The following OR4F17 variants were observed in gnomAD, a reference collection of about 807,000 sequenced individuals.
OR4F17 encodes olfactory receptor 4F17.
For synonymous variants in OR4F17, 1 was observed against 120.7 expected (o/e 0.01, Z 6.50); for missense variants, 1 against 323.6 (o/e 0.00, Z 7.65).
At chr19:109,968 G>A (rs1215073736) in intron 2 of OR4F17, among the ~76,000 whole-genome samples, 6 of 151,792 alleles carry the variant, frequency 4.0e-5, no homozygotes, top group Admixed American at 3.3e-4. Context: ...TTCACATTGA[G>A]TCCAGAGCTA....
chr19:108,138 C>A (rs1214310831), intron 2 of OR4F17, among the ~76,000 whole-genome samples: 10 of 115,190 alleles, frequency 8.7e-5, no homozygotes, highest in East Asian at 5.2e-4. Context: ...TTATATATAA[C>A]ATATATTATT....
intron 2 of OR4F17, among the ~76,000 whole-genome samples, chr19:108,086 T>TATAATATATATTATAGAATATAATATA (rs1968650056): frequency 8.2e-6 from 1 of 122,006 alleles, no homozygotes; most frequent in East Asian, 2.6e-4. Flanking sequence ...AATATATATT[T>TATAATATATATTATAGAATATAATATA]TATTATATAA....
At chr19:108,083 A>G (rs1354077942) in intron 2 of OR4F17, among the ~76,000 whole-genome samples, 1 of 121,676 alleles carries the variant, frequency 8.2e-6, no homozygotes, top group East Asian at 2.6e-4. Flanking sequence ...TATAATATAT[A>G]TTTTATTATA....
At chr19:107,715 G>A (rs959249075) in intron 2 of OR4F17, among the ~76,000 whole-genome samples, 160 bp downstream of exon 2, 1 of 137,348 alleles carries the variant, frequency 7.3e-6, no homozygotes, top group African/African-American at 2.7e-5. Flanking sequence ...TCCCATCTCA[G>A]TGAGACTTAC....
At chr19:107,782 ATATTACATAT>A (rs1465425044) in intron 2 of OR4F17, among the ~76,000 whole-genome samples, 1 of 129,462 alleles carries the variant, frequency 7.7e-6, no homozygotes, top group Non-Finnish European at 1.6e-5. Context: ...ATATTTATAT[ATATTACATAT>A]TATATATATA....
intron 2 of OR4F17, among the ~76,000 whole-genome samples, chr19:108,928 A>G (rs1646884553): frequency 1.3e-5 from 2 of 151,840 alleles, no homozygotes; most frequent in African/African-American, 2.4e-5. Context: ...AAAAACAGTA[A>G]TGTGCTGCTT....
intron 2 of OR4F17, among the ~76,000 whole-genome samples, chr19:108,136 A>G (rs1223577922): frequency 7.6e-6 from 1 of 132,444 alleles, no homozygotes; most frequent in Non-Finnish European, 1.6e-5. Context: ...ATTTATATAT[A>G]ACATATATTA....
At chr19:108,991 A>G (rs1423514647) in intron 2 of OR4F17, among the ~76,000 whole-genome samples, 7 of 151,286 alleles carry the variant, frequency 4.6e-5, no homozygotes, top group Non-Finnish European at 8.8e-5. Flanking sequence ...GAAAAGTGGA[A>G]TTTCCAAGCA....
intron 2 of OR4F17, among the ~76,000 whole-genome samples, chr19:109,016 TC>T (rs1968669303): frequency 1.3e-5 from 2 of 151,436 alleles, no homozygotes; most frequent in East Asian, 4.1e-4. Flanking sequence ...GAATTACTGT[TC>T]TTTAAAAAAC....
intron 2 of OR4F17, among the ~76,000 whole-genome samples, chr19:109,665 T>C (rs1435022065): frequency 1.4e-5 from 2 of 138,888 alleles, no homozygotes; most frequent in African/African-American, 5.2e-5. Flanking sequence ...CTCACAGAAC[T>C]TCTATAAAGT....
At chr19:107,702 T>G (rs1245748116) in intron 2 of OR4F17, 147 bp downstream of exon 2, 1 of 347,652 alleles carries the variant, frequency 2.9e-6, no homozygotes, top group African/African-American at 2.2e-5. Flanking sequence ...CCCAAATGCC[T>G]ACTCCCATCT....
chr19:109,638 C>T (rs1414991012), intron 2 of OR4F17, among the ~76,000 whole-genome samples: 2 of 134,236 alleles, frequency 1.5e-5, no homozygotes, highest in Admixed American at 8.1e-5. Flanking sequence ...AATTTATATA[C>T]CTGGTCGTAT....
intron 2 of OR4F17, among the ~76,000 whole-genome samples, chr19:108,134 A>G (rs1319224786): frequency 7.6e-6 from 1 of 132,012 alleles, no homozygotes; most frequent in Admixed American, 9.6e-5. Flanking sequence ...ATATTTATAT[A>G]TAACATATAT....
chr19:108,870 T>G (rs1968667168), intron 2 of OR4F17, among the ~76,000 whole-genome samples: 1 of 152,136 alleles, frequency 6.6e-6, no homozygotes, highest in African/African-American at 2.4e-5. Flanking sequence ...ATTAGACTTC[T>G]CTTTATTCTT....
rs1360068847 is a variant in OR4F17, at chr19:108,911, G to C, written c.-55+1356G>C. Among the ~76,000 whole-genome samples, 3 of 151,898 alleles carry C rather than the reference G, an allele frequency of 2.0e-5. No individual in the cohort carries two copies. The East Asian group carries it at 5.8e-4, about 30-fold the overall frequency. On this transcript the variant is annotated intron_variant, in intron 2 of 2. Transcript: ENST00000585993. ...TATTTAAGATCACTAAATTTTTATA[G>C]GACTTTAAAAACAGTAATGTGCTGC...
intron 2 of OR4F17, among the ~76,000 whole-genome samples, chr19:108,055 A>AG: frequency 9.2e-6 from 1 of 108,494 alleles, no homozygotes; most frequent in African/African-American, 3.5e-5. Flanking sequence ...ATTTTATTAT[A>AG]AAATATATAT....
intron 2 of OR4F17, among the ~76,000 whole-genome samples, chr19:109,010 T>C (rs1968669120): frequency 6.6e-6 from 1 of 151,322 alleles, no homozygotes; most frequent in African/African-American, 2.4e-5. Context: ...CACTATGAAT[T>C]ACTGTTCTTT....
chr19:108,343 A>G (rs1389367727), intron 2 of OR4F17, among the ~76,000 whole-genome samples: 1 of 151,640 alleles, frequency 6.6e-6, no homozygotes, highest in African/African-American at 2.4e-5. Context: ...TAATAAGCCT[A>G]AACTTAATGT....
At chr19:107,963 A>C (rs1401698400) in intron 2 of OR4F17, among the ~76,000 whole-genome samples, 14 of 57,286 alleles carry the variant, frequency 2.4e-4, no homozygotes, top group Admixed American at 6.3e-4. Context: ...ATATTTTATT[A>C]TATAATATAT....
Sources: allele counts gnomAD v4.1 joint callset (sites outside exome capture counted in the v4.1 genomes callset), GRCh38; gene constraint gnomAD v4.1.1; transcripts MANE v1.5; gene names NCBI Gene and HGNC (gene_info 2026-07-23, HGNC 2026-07-21).